Variants in RORA observed in about 807,000 individuals in gnomAD.
RORA encodes nuclear receptor ROR-alpha.
A neutral mutation model predicts 69.5 loss-of-function variants in RORA; 7 were observed. The ratio of observed to expected loss-of-function variants is 0.10; its 90% CI spans 0.06 to 0.19. The LOEUF is 0.19. RORA is among the 10% of genes least tolerant of loss of function. The probability of loss-of-function intolerance (pLI) is 1.00; values close to 1 mark genes in which losing one functional copy is unlikely to be tolerated. For synonymous variants in RORA, 261 were observed against 240.8 expected (o/e 1.08, Z -0.78); for missense variants, 457 against 663.0 (o/e 0.69, Z 3.41).
At chr15:60,500,258 AT>A (rs1446416262) in intron 9 of RORA, among the ~76,000 whole-genome samples, 2 of 152,198 alleles carry the variant, frequency 1.3e-5, no homozygotes, top group Non-Finnish European at 2.9e-5. Context: ...AGGATAAACA[AT>A]TAAATATGAG....
At chr15:60,821,621 T>C (rs1389749332) in intron 1 of RORA, among the ~76,000 whole-genome samples, 1 of 152,234 alleles carries the variant, frequency 6.6e-6, no homozygotes, top group Non-Finnish European at 1.5e-5. Context: ...TTGTAAGCTC[T>C]ATGATGCCAA....
intron 1 of RORA, among the ~76,000 whole-genome samples, chr15:60,889,356 G>GTC (rs1567226906): frequency 1.4e-5 from 2 of 146,994 alleles, no homozygotes; most frequent in Non-Finnish European, 3.0e-5. Flanking sequence ...GGGGCGGGGG[G>GTC]GGGGGGAAGG....
At chr15:60,565,636 G>A (rs543372278) in intron 2 of RORA, among the ~76,000 whole-genome samples, 2 of 152,304 alleles carry the variant, frequency 1.3e-5, no homozygotes, top group African/African-American at 4.8e-5. Context: ...AGCAGCTTCC[G>A]AAAGTATAAC....
intron 1 of RORA, among the ~76,000 whole-genome samples, chr15:61,108,220 A>G (rs2140773485): frequency 6.6e-6 from 1 of 152,334 alleles, no homozygotes; most frequent in South Asian, 2.1e-4. Flanking sequence ...CCAGTCAGAA[A>G]ATAAGGTCAT....
intron 1 of RORA, among the ~76,000 whole-genome samples, chr15:61,154,914 C>G (rs898420397): frequency 6.6e-6 from 1 of 152,172 alleles, no homozygotes; most frequent in Non-Finnish European, 1.5e-5. Context: ...AGGGAGGTCA[C>G]CCGGGCAAGG....
At chr15:61,011,487 T>A (rs1049329529) in intron 1 of RORA, among the ~76,000 whole-genome samples, 5 of 152,188 alleles carry the variant, frequency 3.3e-5, no homozygotes, top group Admixed American at 3.3e-4. Context: ...CATAGTTGGC[T>A]TGAAAAAACA....
chr15:61,120,335 G>A (rs976508430), intron 1 of RORA, among the ~76,000 whole-genome samples: 2 of 151,042 alleles, frequency 1.3e-5, no homozygotes, highest in Non-Finnish European at 2.9e-5. Context: ...AAGCAGAGCT[G>A]AAGACCATTG....
chr15:61,032,871 G>A (rs1437701521), intron 1 of RORA, among the ~76,000 whole-genome samples: 2 of 152,114 alleles, frequency 1.3e-5, no homozygotes, highest in Admixed American at 1.3e-4. Context: ...TATTACCTAT[G>A]TCTATATAAA....
Position 60,925,943 on chromosome 15 carries a change from A to G in RORA, c.167-247257T>C, listed in dbSNP as rs74017878. ...TTGGTGGGAATTAAACTCTTAACAC[A>G]TCACATGGTGACCAAAAATGCTGAG... On this transcript the variant is annotated intron_variant, in intron 1 of 10. Transcript: ENST00000335670. 9.1e-3 allele frequency among the ~76,000 whole-genome samples: 1,386 copies of G among 152,318 alleles called. 22 individuals are homozygous for G. The highest frequency in any genetic ancestry group is 0.031 in the African/African-American group (1,294 of 41,568).
intron 1 of RORA, among the ~76,000 whole-genome samples, chr15:60,734,449 G>T (rs1038446361): frequency 7.9e-5 from 12 of 152,190 alleles, no homozygotes; most frequent in African/African-American, 2.9e-4. Context: ...ACACAGGAAT[G>T]ATTATTTTAT....
intron 1 of RORA, among the ~76,000 whole-genome samples, chr15:61,027,634 G>A (rs1448791644): frequency 6.6e-6 from 1 of 152,160 alleles, no homozygotes; most frequent in African/African-American, 2.4e-5. Context: ...GTTACAACAA[G>A]TATGCTTTTA....
rs7177865 is a variant in RORA, at chr15:61,096,389, G to A, written c.166+132664C>T. 7.7e-3 allele frequency among the ~76,000 whole-genome samples: 1,169 copies of A among 152,256 alleles called. 13 individuals carry two copies. The highest frequency in any genetic ancestry group is 0.027 in the African/African-American group (1,108 of 41,526). On this transcript the variant is annotated intron_variant, in intron 1 of 10. Coordinates refer to ENST00000335670, the MANE Select transcript of RORA (RefSeq NM_134261.3). ...GAGACTGATAAGCTCATTTAGTAGC[G>A]ACAATTCACAGTCCAAAAGAAAATG... is the stretch of plus-strand genomic sequence containing the variant.
chr15:60,511,485 G>A lies in RORA; in HGVS notation c.561C>T (p.Asn187=). The change falls in exon 5 of 11, where the codon AAC becomes AAT. Residue 187 remains asparagine, a synonymous_variant. Coordinates refer to ENST00000335670, the MANE Select transcript of RORA (RefSeq NM_134261.3). The surrounding 1 kb of genome is among the most constrained non-coding windows in gnomAD (Gnocchi z 6.4). ...GTTCCGTCAGCCCGTTGGCCGAGAT[G>A]TTGTAGGTGGGCGTCAGCGGCTCAG... The part of the protein sequence containing the change: ...GEAEPLTPTY[N]ISANGLTELH... 1.9e-6 allele frequency: 3 copies of A among 1,614,198 alleles called. No individual in the cohort carries two copies. The highest frequency in any genetic ancestry group is 1.3e-5 in the African/African-American group (1 of 75,040).
At chr15:60,878,170 C>CAA (rs11362081) in intron 1 of RORA, among the ~76,000 whole-genome samples, 11,223 of 69,484 alleles carry the variant, frequency 0.16, 884 homozygotes, top group Non-Finnish European at 0.22. Context: ...ACTAAAAATA[C>CAA]AAAAAAAAAA....
In RORA at chr15:61,053,275, G is replaced by T. The variant is rs541003357; in HGVS notation, c.166+175778C>A. Among the ~76,000 whole-genome samples, 441 of 146,390 alleles carry T rather than the reference G, an allele frequency of 3.0e-3. 1 individual carries two copies. Among genetic ancestry groups the T allele is most frequent in the Middle Eastern group, 3.4e-3 (1 of 290 alleles). On this transcript the variant is annotated intron_variant, in intron 1 of 10. Coordinates refer to ENST00000335670, the MANE Select transcript of RORA (RefSeq NM_134261.3). ...CAGCTGCAAAAACATTTTTTTTTTT[G>T]AACACAAAAATCAGGCTTTTGCCCC...
chr15:61,142,267 A>G (rs1443212502), intron 1 of RORA, among the ~76,000 whole-genome samples: 1 of 152,092 alleles, frequency 6.6e-6, no homozygotes, highest in Non-Finnish European at 1.5e-5. Flanking sequence ...CATATTTCCA[A>G]GCTCCTCTGG....
intron 1 of RORA, among the ~76,000 whole-genome samples, chr15:60,701,268 G>A (rs1366456756): frequency 6.6e-6 from 1 of 152,144 alleles, no homozygotes; most frequent in Non-Finnish European, 1.5e-5. Flanking sequence ...TTGAATATTT[G>A]CTGAATGAAT....
chr15:60,729,305 G>A (rs2071400739), intron 1 of RORA, among the ~76,000 whole-genome samples: 1 of 152,056 alleles, frequency 6.6e-6, no homozygotes, highest in Non-Finnish European at 1.5e-5. Flanking sequence ...TCAGTCTTTC[G>A]ATCACTTTCC....
Position 60,537,303 on chromosome 15 carries a change from G to A in RORA, c.197-5452C>T, listed in dbSNP as rs148130276. On this transcript the variant is annotated intron_variant, in intron 2 of 10. Transcript: ENST00000335670. This position sits in a 1 kb window ranked among gnomAD's most constrained non-coding sequence, Gnocchi z 4.9. ...CTGCCCAGTGCGGCCTAGCTGAGGGGTCAAAAGTAGAGGTTGAAATGCACC... is the reference window on the plus strand; with the variant it reads ...CTGCCCAGTGCGGCCTAGCTGAGGGATCAAAAGTAGAGGTTGAAATGCACC... Among the ~76,000 whole-genome samples, 324 of 152,310 alleles carry A rather than the reference G, an allele frequency of 2.1e-3. 1 individual carries two copies. The highest frequency in any genetic ancestry group is 7.3e-3 in the African/African-American group (302 of 41,562).
Sources: gnomAD v4.1 joint callset for allele counts (sites outside exome capture counted in the v4.1 genomes callset) on GRCh38, gnomAD v4.1.1 for gene constraint, Gnocchi (gnomAD v3.1) non-coding constraint, MANE v1.5 for transcripts, NCBI Gene and HGNC (gene_info 2026-07-23, HGNC 2026-07-21) for gene names.